The following MOCOS variants were observed in gnomAD, a reference collection of about 807,000 sequenced individuals.
MOCOS encodes molybdenum cofactor sulfurase.
MOCOS carries 86 observed loss-of-function variants against 83.6 expected under a neutral mutation model. That is an observed-to-expected ratio of 1.03 (90% CI 0.86 to 1.23). The LOEUF (loss-of-function observed/expected upper bound fraction) is 1.23. Ranked by LOEUF, MOCOS falls within the 50% of genes most tolerant of loss-of-function variation. The probability of loss-of-function intolerance (pLI) is 0.00; values close to 1 mark genes in which losing one functional copy is unlikely to be tolerated. For missense variants in MOCOS, 1,120 were observed against 1,126.9 expected (o/e 0.99, Z 0.09); for synonymous variants, 445 against 434.7 (o/e 1.02, Z -0.29).
At chr18:36,239,991 C>T (rs1211984069) in intron 9 of MOCOS, among the ~76,000 whole-genome samples, 2 of 142,606 alleles carry the variant, frequency 1.4e-5, no homozygotes, top group African/African-American at 5.3e-5. Flanking sequence ...TCCATCAGCT[C>T]CTTTAAGCAC....
intron 2 of MOCOS, among the ~76,000 whole-genome samples, chr18:36,195,862 A>G (rs1392467591): frequency 6.6e-6 from 1 of 152,210 alleles, no homozygotes; most frequent in Non-Finnish European, 1.5e-5. Flanking sequence ...CTATGGACAA[A>G]AGGTGCCTGG....
In MOCOS at chr18:36,220,151, C is replaced by G; in HGVS notation, c.1894C>G (p.Pro632Ala). The change falls in exon 9 of 15, where the codon CCC becomes GCC. Residue 632 changes from proline (P) to alanine (A), a missense_variant. Transcript: ENST00000261326. Reference sequence around the variant, plus strand: ...TGTTTGCCTGAGTCAGAAGCAGGAACCCCGGCTCTGCCTGATCCAGCCCTT... The same window carrying G: ...TGTTTGCCTGAGTCAGAAGCAGGAAGCCCGGCTCTGCCTGATCCAGCCCTT... ...NGVCLSQKQE[P>A]RLCLIQPFID... 1 of 1,614,120 alleles carries G rather than the reference C, an allele frequency of 6.2e-7. No homozygotes were observed. The highest frequency in any genetic ancestry group is 8.5e-7 in the Non-Finnish European group (1 of 1,180,026).
chr18:36,199,986 A>G lies in MOCOS; in HGVS notation c.603A>G (p.Pro201=), dbSNP rs1310664519. ...AGCTGCCGCATCTCTTCTGCTACCC[A>G]GCTCAGAGTAACTTTTCTGGAGTCA... The part of the protein sequence containing the change: ...DCQLPHLFCY[P]AQSNFSGVRY... The change falls in exon 4 of 15, where the codon CCA becomes CCG. Residue 201 remains proline (P), a synonymous_variant. Transcript: ENST00000261326. The G allele has an allele frequency of 1.2e-6, 2 of 1,614,096 alleles. No individual in the cohort carries two copies. Among genetic ancestry groups the G allele is most frequent in the South Asian group, 1.1e-5 (1 of 91,094 alleles).
intron 9 of MOCOS, among the ~76,000 whole-genome samples, chr18:36,245,460 C>T (rs1313446778): frequency 1.3e-5 from 2 of 152,212 alleles, no homozygotes; most frequent in South Asian, 2.1e-4. Context: ...GGACCCCAAT[C>T]CCTTCTGACT....
chr18:36,193,945 T>C (rs1336706630), intron 1 of MOCOS, among the ~76,000 whole-genome samples: 2 of 152,242 alleles, frequency 1.3e-5, no homozygotes, highest in Non-Finnish European at 2.9e-5. Flanking sequence ...TACAATGGAA[T>C]ACTATTCTGC....
chr18:36,204,407 T>C (rs181422249), intron 5 of MOCOS, among the ~76,000 whole-genome samples: 2 of 152,314 alleles, frequency 1.3e-5, no homozygotes, highest in Admixed American at 1.3e-4. Context: ...TTGCTTTGTG[T>C]AGTGTTAAAA....
In MOCOS at chr18:36,187,526, G is replaced by C. The variant is rs765434777; in HGVS notation, c.-14G>C. ...TTCCCGGGCCCGGCCGGCCTGGATG[G>C]ACTAGCCGGGGCCATGGCCGGCGCG... On this transcript the variant is annotated 5_prime_UTR_variant, in exon 1 of 15. Transcript: ENST00000261326. The C allele has an allele frequency of 8.1e-7, 1 of 1,232,398 alleles. No homozygotes were observed. Among genetic ancestry groups the C allele is most frequent in the African/African-American group, 1.6e-5 (1 of 64,390 alleles). 76.3% of individuals were successfully genotyped at this position (1,232,398 alleles called of 1,614,324 possible). A position where few individuals can be genotyped will look rare whatever the true frequency, so the allele number is the denominator to read the frequency against.
chr18:36,268,301 G>A (rs2091688219), intron 14 of MOCOS, among the ~76,000 whole-genome samples: 1 of 152,200 alleles, frequency 6.6e-6, no homozygotes, highest in Non-Finnish European at 1.5e-5. Context: ...AGAAAGAGGT[G>A]TGGGGTGACC....
chr18:36,228,910 C>A (rs1409831269), intron 9 of MOCOS, among the ~76,000 whole-genome samples: 1 of 151,084 alleles, frequency 6.6e-6, no homozygotes, highest in African/African-American at 2.4e-5. Flanking sequence ...CTCAAGAAAT[C>A]CTTCTGCCCC....
chr18:36,232,384 T>C (rs1310548491), intron 9 of MOCOS, among the ~76,000 whole-genome samples: 9 of 152,224 alleles, frequency 5.9e-5, no homozygotes, highest in Non-Finnish European at 8.8e-5. Flanking sequence ...ATGTGATACT[T>C]TGATACATGC....
intron 9 of MOCOS, among the ~76,000 whole-genome samples, chr18:36,245,450 G>A (rs531221536): frequency 6.6e-6 from 1 of 152,302 alleles, no homozygotes; most frequent in East Asian, 1.9e-4. Context: ...GCTGAAGATA[G>A]GACCCCAATC....
intron 14 of MOCOS, 120 bp from the exon 15 acceptor site, chr18:36,268,413 G>A: frequency 8.2e-7 from 1 of 1,226,618 alleles, no homozygotes; most frequent in Non-Finnish European, 1.2e-6. Flanking sequence ...GAGATATCAA[G>A]TCTCAGTATA....
chr18:36,251,410 T>G, intron 11 of MOCOS, 127 bp downstream of exon 11: 2 of 1,312,312 alleles, frequency 1.5e-6, no homozygotes, highest in South Asian at 2.4e-5. Flanking sequence ...TCATCAGCCT[T>G]TAGCAGAAAC....
intron 2 of MOCOS, among the ~76,000 whole-genome samples, chr18:36,197,834 AATC>A (rs2091395636): frequency 6.6e-6 from 1 of 152,078 alleles, no homozygotes; most frequent in Non-Finnish European, 1.5e-5. Context: ...CTAGTGATGC[AATC>A]ATCACTATAA....
chr18:36,210,669 G>A (rs191773811), intron 6 of MOCOS, among the ~76,000 whole-genome samples: 119 of 151,750 alleles, frequency 7.8e-4, no homozygotes, highest in African/African-American at 2.8e-3. Flanking sequence ...TGGCCAACAT[G>A]GCGAAACCCT....
chr18:36,193,671 G>T (rs1235807670), intron 1 of MOCOS, among the ~76,000 whole-genome samples: 1 of 152,178 alleles, frequency 6.6e-6, no homozygotes, highest in Admixed American at 6.5e-5. Context: ...CTAGGACCTT[G>T]TTGAATTAGA....
At chr18:36,198,649 C>T (rs2091399887) in intron 2 of MOCOS, 41 bp from the exon 3 acceptor site, 1 of 1,603,256 alleles carries the variant, frequency 6.2e-7, no homozygotes, top group African/African-American at 1.3e-5. Context: ...AGAAGCGACC[C>T]TAAGTAGTGA....
At chr18:36,252,882 T>C (rs183990641) in intron 11 of MOCOS, among the ~76,000 whole-genome samples, 3 of 152,226 alleles carry the variant, frequency 2.0e-5, no homozygotes, top group Non-Finnish European at 4.4e-5. Flanking sequence ...AAAGTTCTGA[T>C]GATTTTCACG....
At chr18:36,251,991 T>C (rs1015709902) in intron 11 of MOCOS, among the ~76,000 whole-genome samples, 1 of 152,206 alleles carries the variant, frequency 6.6e-6, no homozygotes, top group Non-Finnish European at 1.5e-5. Flanking sequence ...ACATTCTTCT[T>C]GCTATATATT....
Sources: gnomAD v4.1 joint callset for allele counts (sites outside exome capture counted in the v4.1 genomes callset) on GRCh38, gnomAD v4.1.1 for gene constraint, MANE v1.5 for transcripts, NCBI Gene and HGNC (gene_info 2026-07-23, HGNC 2026-07-21) for gene names.